METTL24: variants seen among roughly 807,000 people sequenced by gnomAD.
METTL24 encodes the protein methyltransferase like 24.
Under a neutral mutation model 32.7 loss-of-function variants are expected in METTL24, and 29 were observed. The ratio of observed to expected loss-of-function variants is 0.89; its 90% CI spans 0.66 to 1.21. The LOEUF (loss-of-function observed/expected upper bound fraction) is 1.21, where lower values mean the gene tolerates loss of function less well. METTL24 is among the 50% of genes most tolerant of loss of function. The pLI is 0.00. For synonymous variants in METTL24, 163 were observed against 179.5 expected, an observed-to-expected ratio of 0.91 and a Z score of 0.73; for missense variants, 439 against 468.1, an observed-to-expected ratio of 0.94 and a Z score of 0.57.
chr6:110,350,723 C>A (rs1258454385), intron 1 of METTL24, among the ~76,000 whole-genome samples: 1 of 147,990 alleles, frequency 6.8e-6, no homozygotes, highest in African/African-American at 2.5e-5. Flanking sequence ...CCCAGCAGTT[C>A]AAGGCCAGCC....
chr6:110,262,205 T>C (rs1274560136), intron 4 of METTL24, among the ~76,000 whole-genome samples: 2 of 152,056 alleles, frequency 1.3e-5, no homozygotes, highest in African/African-American at 4.8e-5. Context: ...ATCAACAGAA[T>C]TGATAGACTG....
Position 110,313,185 on chromosome 6 carries a change from G to A in METTL24, c.557+2157C>T, listed in dbSNP as rs1338038367. On this transcript the variant is annotated intron_variant, in intron 3 of 4. Transcript: ENST00000338882. ...CAGAGTAGGGTGACTACCTACAGTC[G>A]ACAACCATAAATTTTATATTTCAAA... is the stretch of plus-strand genomic sequence containing the variant. Among the ~76,000 whole-genome samples the A allele has an allele frequency of 3.3e-5, 5 of 152,226 alleles. No individual in the cohort carries two copies. The East Asian group carries it at 9.7e-4, about 29-fold the overall frequency.
At chr6:110,355,494 C>T (rs753129394) in intron 1 of METTL24, among the ~76,000 whole-genome samples, 1 of 152,174 alleles carries the variant, frequency 6.6e-6, no homozygotes, top group Non-Finnish European at 1.5e-5. Context: ...TGTAATAAAA[C>T]TGAGCCCCAG....
chr6:110,347,279 G>A (rs971528832), intron 1 of METTL24, among the ~76,000 whole-genome samples: 2 of 152,024 alleles, frequency 1.3e-5, no homozygotes, highest in Non-Finnish European at 2.9e-5. Flanking sequence ...TTAAAATGTT[G>A]AGCCCTGACT....
chr6:110,353,052 T>C (rs1196315279), intron 1 of METTL24, among the ~76,000 whole-genome samples: 1 of 152,226 alleles, frequency 6.6e-6, no homozygotes, highest in African/African-American at 2.4e-5. Flanking sequence ...CAGAATGCTC[T>C]CTGAGGAACT....
intron 4 of METTL24, among the ~76,000 whole-genome samples, chr6:110,263,758 G>T (rs1380264772): frequency 2.0e-5 from 3 of 152,224 alleles, no homozygotes; most frequent in Admixed American, 2.0e-4. Flanking sequence ...GCATGGTACT[G>T]GTACCAAAAC....
chr6:110,357,145 G>C (rs539329231), intron 1 of METTL24, among the ~76,000 whole-genome samples: 67 of 152,308 alleles, frequency 4.4e-4, no homozygotes, highest in South Asian at 1.5e-3. Flanking sequence ...AAAGGATGAG[G>C]AGAGCTCATA....
intron 4 of METTL24, among the ~76,000 whole-genome samples, chr6:110,247,879 G>A (rs1778197594): frequency 1.3e-5 from 2 of 152,130 alleles, no homozygotes; most frequent in African/African-American, 4.8e-5. Context: ...GACGTAGTTT[G>A]GATGTTTGTC....
intron 1 of METTL24, among the ~76,000 whole-genome samples, chr6:110,351,226 A>G (rs1772595532): frequency 6.6e-6 from 1 of 152,144 alleles, no homozygotes; most frequent in Non-Finnish European, 1.5e-5. Context: ...ATAAGTAAAA[A>G]ATTAATCAAT....
intron 4 of METTL24, among the ~76,000 whole-genome samples, chr6:110,253,204 A>G (rs1315911280): frequency 6.6e-6 from 1 of 152,176 alleles, no homozygotes. Flanking sequence ...AGAGAGACCA[A>G]TAAAGAGGTC....
intron 1 of METTL24, among the ~76,000 whole-genome samples, chr6:110,349,587 ATTGAG>A (rs1403741147): frequency 6.6e-6 from 1 of 152,232 alleles, no homozygotes; most frequent in Non-Finnish European, 1.5e-5. Context: ...TGTTGATTAA[ATTGAG>A]TTGATCTAGT....
intron 4 of METTL24, among the ~76,000 whole-genome samples, chr6:110,277,071 C>T (rs139306612): frequency 3.8e-4 from 58 of 152,222 alleles, no homozygotes; most frequent in Admixed American, 7.2e-4. Flanking sequence ...CCACCTAAAG[C>T]TGAGTGTCCT....
At chr6:110,247,594 G>A (rs2114688097) in intron 4 of METTL24, among the ~76,000 whole-genome samples, 1 of 152,296 alleles carries the variant, frequency 6.6e-6, no homozygotes, top group South Asian at 2.1e-4. Context: ...GACATAAACT[G>A]GAATAACGAG....
chr6:110,263,057 CACAAG>C (rs1326027573), intron 4 of METTL24, among the ~76,000 whole-genome samples: 1 of 152,160 alleles, frequency 6.6e-6, no homozygotes, highest in Non-Finnish European at 1.5e-5. Flanking sequence ...TGAAAACTGG[CACAAG>C]ACAAGGATGC....
intron 1 of METTL24, among the ~76,000 whole-genome samples, chr6:110,347,908 T>C (rs1772510849): frequency 6.6e-6 from 1 of 152,244 alleles, no homozygotes; most frequent in Non-Finnish European, 1.5e-5. Flanking sequence ...ATACTAGTTA[T>C]GGCTAGCTTT....
At chr6:110,255,341 C>G (rs1167627663) in intron 4 of METTL24, among the ~76,000 whole-genome samples, 2 of 152,056 alleles carry the variant, frequency 1.3e-5, no homozygotes, top group Non-Finnish European at 1.5e-5. Flanking sequence ...CAAGAATCTC[C>G]TGAGCTGGGT....
chr6:110,295,044 G>A (rs9386886), intron 4 of METTL24, among the ~76,000 whole-genome samples: 1 of 100,822 alleles, frequency 9.9e-6, no homozygotes, highest in Non-Finnish European at 1.8e-5. Flanking sequence ...TTTTTTGAGA[G>A]AGGGGTCTGG....
At chr6:110,314,728 G>A (rs1236621886) in intron 3 of METTL24, among the ~76,000 whole-genome samples, 3 of 152,252 alleles carry the variant, frequency 2.0e-5, no homozygotes, top group Admixed American at 2.0e-4. Context: ...TTGGGAGGCC[G>A]AGGCAGGTGG....
intron 2 of METTL24, among the ~76,000 whole-genome samples, chr6:110,320,470 C>T (rs1771911669): frequency 6.6e-6 from 1 of 152,136 alleles, no homozygotes; most frequent in African/African-American, 2.4e-5. Flanking sequence ...TGGTGACTCC[C>T]ATCTGCTGGC....
Sources: gnomAD v4.1 joint callset for allele counts (sites outside exome capture counted in the v4.1 genomes callset) on GRCh38, gnomAD v4.1.1 for gene constraint, MANE v1.5 for transcripts, NCBI Gene and HGNC (gene_info 2026-07-23, HGNC 2026-07-21) for gene names.